The following DCDC2C variants were observed in gnomAD, a reference collection of about 807,000 sequenced individuals.
DCDC2C encodes doublecortin domain-containing protein 2C.
A neutral mutation model predicts 45.0 loss-of-function variants in DCDC2C; 44 were observed. That is an observed-to-expected ratio of 0.98 (90% confidence interval 0.77 to 1.26). The LOEUF (loss-of-function observed/expected upper bound fraction) is 1.26, where lower values mean the gene tolerates loss of function less well. Ranked by LOEUF, DCDC2C falls within the 50% of genes most tolerant of loss-of-function variation. The pLI, the probability that DCDC2C is intolerant of heterozygous loss-of-function variation, is 0.00. For synonymous variants in DCDC2C, 187 were observed against 178.8 expected (o/e 1.05, Z -0.37); for missense variants, 447 against 468.9 (o/e 0.95, Z 0.43).
At chr2:3,778,660 A>G (rs766656203) in intron 8 of DCDC2C, among the ~76,000 whole-genome samples, 156 bp from the exon 9 acceptor site, 1 of 152,216 alleles carries the variant, frequency 6.6e-6, no homozygotes, top group Non-Finnish European at 1.5e-5. Context: ...AAAAATGCAG[A>G]GTGGATGCCA....
chr2:3,748,468 G>A (rs73910355), intron 4 of DCDC2C, among the ~76,000 whole-genome samples: 3,409 of 151,908 alleles, frequency 0.022, 130 homozygotes, highest in African/African-American at 0.077. Flanking sequence ...GGTGACTGTC[G>A]GTACCATTCC....
intron 10 of DCDC2C, among the ~76,000 whole-genome samples, chr2:3,785,556 G>A (rs567969028): frequency 5.9e-5 from 9 of 152,208 alleles, no homozygotes; most frequent in African/African-American, 1.9e-4. Context: ...GGGAGTGGGG[G>A]GCTCACAGCC....
intron 8 of DCDC2C, among the ~76,000 whole-genome samples, chr2:3,770,668 C>A (rs1670138761): frequency 6.6e-6 from 1 of 152,236 alleles, no homozygotes; most frequent in Non-Finnish European, 1.5e-5. Flanking sequence ...GCCAAATATA[C>A]CGTTGTCACT....
intron 10 of DCDC2C, among the ~76,000 whole-genome samples, chr2:3,789,793 TG>T (rs1287973975): frequency 6.6e-6 from 1 of 152,238 alleles, no homozygotes; most frequent in Admixed American, 6.5e-5. Context: ...TTGATCCTCT[TG>T]TGGCTTTTAG....
At chr2:3,774,938 T>C (rs984016463) in intron 8 of DCDC2C, among the ~76,000 whole-genome samples, 2 of 152,128 alleles carry the variant, frequency 1.3e-5, no homozygotes, top group Non-Finnish European at 2.9e-5. Context: ...ACTAATTGTT[T>C]GTATTTAGTA....
At chr2:3,819,805 C>A (rs1671643782) in intron 10 of DCDC2C, among the ~76,000 whole-genome samples, 1 of 152,162 alleles carries the variant, frequency 6.6e-6, no homozygotes, top group African/African-American at 2.4e-5. Context: ...CTCTGGCCAC[C>A]TCTTTAAGAG....
intron 10 of DCDC2C, among the ~76,000 whole-genome samples, chr2:3,796,990 G>A (rs1056891295): frequency 8.5e-5 from 13 of 152,236 alleles, no homozygotes; most frequent in East Asian, 3.9e-4. Context: ...CTATGAATCC[G>A]TCTGGTCCTG....
intron 10 of DCDC2C, among the ~76,000 whole-genome samples, chr2:3,819,499 T>C (rs1404748023): frequency 6.6e-6 from 1 of 152,250 alleles, no homozygotes; most frequent in African/African-American, 2.4e-5. Context: ...TTCTCTATTA[T>C]TGTACACCTT....
At chr2:3,803,132 A>G (rs554345452) in intron 10 of DCDC2C, among the ~76,000 whole-genome samples, 5 of 152,252 alleles carry the variant, frequency 3.3e-5, no homozygotes, top group African/African-American at 9.6e-5. Flanking sequence ...CTATTTTCTC[A>G]TCAGCCCTTG....
intron 8 of DCDC2C, among the ~76,000 whole-genome samples, chr2:3,772,629 C>A (rs1346205534): frequency 6.6e-6 from 1 of 152,170 alleles, no homozygotes; most frequent in East Asian, 1.9e-4. Context: ...CCTGACAGTG[C>A]AAGATGAGTG....
At chr2:3,763,342 G>C (rs371341137) in intron 6 of DCDC2C, among the ~76,000 whole-genome samples, 1 of 152,138 alleles carries the variant, frequency 6.6e-6, no homozygotes, top group Non-Finnish European at 1.5e-5. Flanking sequence ...GTGGGCCCGC[G>C]ACCCAGCGCT....
intron 3 of DCDC2C, among the ~76,000 whole-genome samples, 173 bp downstream of exon 3, chr2:3,727,252 C>T (rs1351053304): frequency 6.6e-6 from 1 of 151,974 alleles, no homozygotes; most frequent in Non-Finnish European, 1.5e-5. Context: ...CCTAGACCAC[C>T]TTCTCTCTGA....
intron 3 of DCDC2C, among the ~76,000 whole-genome samples, chr2:3,727,332 A>G (rs1252544755): frequency 6.6e-6 from 1 of 152,126 alleles, no homozygotes; most frequent in Non-Finnish European, 1.5e-5. Flanking sequence ...AAGCAATCCA[A>G]TCACCATGCC....
At chr2:3,807,580 T>A (rs955606354) in intron 10 of DCDC2C, among the ~76,000 whole-genome samples, 3 of 152,086 alleles carry the variant, frequency 2.0e-5, no homozygotes, top group Admixed American at 1.3e-4. Flanking sequence ...TTTTAAAAAT[T>A]GAGCTATAAT....
Position 3,818,557 on chromosome 2 carries a change from T to C in DCDC2C, c.1066-28597T>C, listed in dbSNP as rs1326389010. Reference sequence around the variant, plus strand: ...TTGGACAGGTACAATGGGGGAATTGTAAGAAGAGTTTATATAGGCTTTAAA... The same window carrying C: ...TTGGACAGGTACAATGGGGGAATTGCAAGAAGAGTTTATATAGGCTTTAAA... On this transcript the variant is annotated intron_variant, in intron 10 of 10. Transcript: ENST00000399143. The surrounding 1 kb of genome is among the most constrained non-coding windows in gnomAD (Gnocchi z 4.7). 6.6e-6 allele frequency among the ~76,000 whole-genome samples: 1 copy of C among 152,138 alleles called. No individual in the cohort carries two copies. The highest frequency in any genetic ancestry group is 2.4e-5 in the African/African-American group (1 of 41,426).
intron 2 of DCDC2C, among the ~76,000 whole-genome samples, chr2:3,721,067 A>G (rs1008432030): frequency 1.3e-5 from 2 of 152,154 alleles, no homozygotes; most frequent in African/African-American, 4.8e-5. Context: ...CTCTTATTCT[A>G]TTAATATCTG....
At chr2:3,741,797 A>G in intron 3 of DCDC2C, 123 bp from the exon 4 acceptor site, 2 of 1,075,136 alleles carry the variant, frequency 1.9e-6, no homozygotes, top group Non-Finnish European at 1.3e-6. Context: ...AGTATGAAGT[A>G]TTGGAGGCTG....
At chr2:3,799,132 T>C (rs1472565002) in intron 10 of DCDC2C, among the ~76,000 whole-genome samples, 2 of 152,214 alleles carry the variant, frequency 1.3e-5, no homozygotes, top group Non-Finnish European at 2.9e-5. Flanking sequence ...CATCTTCCAT[T>C]GCTGATACCC....
At chr2:3,801,866 C>T (rs1455499202) in intron 10 of DCDC2C, among the ~76,000 whole-genome samples, 1 of 152,262 alleles carries the variant, frequency 6.6e-6, no homozygotes, top group Non-Finnish European at 1.5e-5. Flanking sequence ...GGGCTCCCAG[C>T]CCTGGGCTGA....
Sources: allele counts gnomAD v4.1 joint callset (sites outside exome capture counted in the v4.1 genomes callset), GRCh38; gene constraint gnomAD v4.1.1; non-coding constraint Gnocchi (gnomAD v3.1); transcripts MANE v1.5; gene names NCBI Gene and HGNC (gene_info 2026-07-23, HGNC 2026-07-21).